The following HDAC4 variants were observed in gnomAD, a reference collection of about 807,000 sequenced individuals.
HDAC4 encodes histone deacetylase A.
HDAC4 carries 16 observed loss-of-function variants against 135.1 expected under a neutral mutation model. The ratio of observed to expected loss-of-function variants is 0.12; its 90% confidence interval spans 0.08 to 0.18. HDAC4 has a LOEUF of 0.18. Ranked by LOEUF, HDAC4 falls within the 10% of genes least tolerant of loss-of-function variation. The probability of loss-of-function intolerance (pLI) is 1.00; values close to 1 mark genes in which losing one functional copy is unlikely to be tolerated. For synonymous variants in HDAC4, 685 were observed against 653.4 expected, an observed-to-expected ratio of 1.05 and a Z score of -0.74; for missense variants, 1,143 against 1,511.8, an observed-to-expected ratio of 0.76 and a Z score of 4.05.
At chr2:239,223,193 C>T (rs981159925) in intron 3 of HDAC4, among the ~76,000 whole-genome samples, 1 of 152,132 alleles carries the variant, frequency 6.6e-6, no homozygotes, top group East Asian at 1.9e-4. Flanking sequence ...TGTGTTTCAC[C>T]TAACAGCTGG....
chr2:239,401,295 C>A (rs1194494619), upstream of HDAC4: 1 of 152,314 alleles, frequency 6.6e-6, no homozygotes, highest in Admixed American at 6.5e-5. Flanking sequence ...ACCGCGGGGC[C>A]GGATGCCCTA....
intron 22 of HDAC4, among the ~76,000 whole-genome samples, chr2:239,075,756 C>T (rs926598602): frequency 6.6e-5 from 10 of 152,380 alleles, no homozygotes; most frequent in Admixed American, 2.0e-4. Context: ...GGTCATCAGC[C>T]AACCTGCACC....
intron 1 of HDAC4, among the ~76,000 whole-genome samples, chr2:239,359,251 C>T (rs770089373): frequency 6.6e-6 from 1 of 152,054 alleles, no homozygotes; most frequent in African/African-American, 2.4e-5. Flanking sequence ...ATTCACGCTG[C>T]GTCGGTACCT....
intron 2 of HDAC4, among the ~76,000 whole-genome samples, chr2:239,279,042 G>T (rs552523854): frequency 1.3e-5 from 2 of 152,354 alleles, no homozygotes; most frequent in East Asian, 3.9e-4. Context: ...AAGTGGGGCT[G>T]GTGTGGGGCC....
intron 13 of HDAC4, 143 bp downstream of exon 13, chr2:239,114,910 G>C: frequency 1.0e-6 from 1 of 992,270 alleles, no homozygotes; most frequent in Non-Finnish European, 1.5e-6. Flanking sequence ...TCCCTCACTG[G>C]CCAGGACAAG....
intron 2 of HDAC4, among the ~76,000 whole-genome samples, chr2:239,267,463 A>C (rs1199991928): frequency 6.6e-6 from 1 of 152,238 alleles, no homozygotes; most frequent in Non-Finnish European, 1.5e-5. Flanking sequence ...GTGGACAGCA[A>C]GGACTCCCCA....
intron 2 of HDAC4, among the ~76,000 whole-genome samples, chr2:239,346,407 CAT>C (rs560257733): frequency 1.8e-4 from 28 of 151,468 alleles, no homozygotes; most frequent in East Asian, 5.8e-4. Flanking sequence ...ACTTTTAACA[CAT>C]AGTCTAGGAC....
At chr2:239,239,032 C>T (rs1406127440) in intron 2 of HDAC4, among the ~76,000 whole-genome samples, 1 of 152,194 alleles carries the variant, frequency 6.6e-6, no homozygotes. Flanking sequence ...TTAACATGTC[C>T]AATCCTGTAT....
At chr2:239,256,923 C>A (rs1465376185) in intron 2 of HDAC4, among the ~76,000 whole-genome samples, 1 of 152,154 alleles carries the variant, frequency 6.6e-6, no homozygotes, top group Non-Finnish European at 1.5e-5. Flanking sequence ...TCCACTAGAC[C>A]AAGAATCCAC....
In HDAC4 at chr2:239,111,580, C is replaced by T. The variant is rs1284412242; in HGVS notation, c.1924G>A (p.Ala642Thr). 1 of 1,612,156 alleles carries T rather than the reference C, an allele frequency of 6.2e-7. No homozygotes were observed. The highest frequency in any genetic ancestry group is 1.1e-5 in the South Asian group (1 of 90,928). ...TCCTGCACAGACACGGGGAAGGTGG[C>T]AGACGCGGGTGAGGACTGCGCCCGG... The part of the protein sequence containing the change: ...LSRAQSSPAS[A>T]TFPVSVQEPP... The change falls in exon 14 of 27, where the codon GCC becomes ACC. Residue 642 changes from alanine to threonine, a missense_variant. Physicochemically the swap from Ala to Thr is moderately conservative, Grantham distance 58. This residue lies in a region of HDAC4 where 196 missense variants were observed against 210.7 expected (regional missense o/e 0.93). Transcript: ENST00000543185.
intron 1 of HDAC4, among the ~76,000 whole-genome samples, chr2:239,395,854 G>A (rs1363022730): frequency 6.6e-6 from 1 of 152,220 alleles, no homozygotes; most frequent in African/African-American, 2.4e-5. Flanking sequence ...TCTTTCCTTA[G>A]AATAGATTTC....
intron 2 of HDAC4, among the ~76,000 whole-genome samples, chr2:239,348,367 A>G (rs1281973409): frequency 2.6e-5 from 4 of 152,230 alleles, no homozygotes; most frequent in Non-Finnish European, 5.9e-5. Context: ...AGGCACGAAC[A>G]TTCCGGAAGG....
In HDAC4 at chr2:239,245,497, C is replaced by T. The variant is rs907526252; in HGVS notation, c.23-8833G>A. On this transcript the variant is annotated intron_variant, in intron 2 of 26. Coordinates refer to ENST00000543185, the MANE Select transcript of HDAC4 (RefSeq NM_001378414.1). This position sits in a 1 kb window ranked among gnomAD's most constrained non-coding sequence, Gnocchi z 4.4. ...AGATGATATGTAGGAATCATGATTC[C>T]TTCTGCTGAGTGTGATAATGGGGTT... Among the ~76,000 whole-genome samples the T allele has an allele frequency of 6.6e-6, 1 of 152,104 alleles. No individual in the cohort carries two copies.
intron 1 of HDAC4, among the ~76,000 whole-genome samples, chr2:239,384,316 T>C (rs544776858): frequency 3.7e-4 from 56 of 152,092 alleles, no homozygotes; most frequent in African/African-American, 1.3e-3. Context: ...AAATGTTTAA[T>C]GAAAAAGAAA....
intron 2 of HDAC4, among the ~76,000 whole-genome samples, chr2:239,261,249 A>G (rs1168899325): frequency 6.6e-6 from 1 of 152,230 alleles, no homozygotes; most frequent in Non-Finnish European, 1.5e-5. Flanking sequence ...GGTACTGCCG[A>G]GGCCTAAATG....
At chr2:239,362,723 A>T in intron 1 of HDAC4, among the ~76,000 whole-genome samples, 1 of 152,206 alleles carries the variant, frequency 6.6e-6, no homozygotes, top group Non-Finnish European at 1.5e-5. Flanking sequence ...TCTCCTGGGC[A>T]ACAGAGAGCC....
intron 2 of HDAC4, among the ~76,000 whole-genome samples, chr2:239,343,571 G>T (rs950567445): frequency 6.6e-6 from 1 of 152,264 alleles, no homozygotes. Flanking sequence ...TTCAGCCTCA[G>T]GTCCTTTCTA....
chr2:239,174,286 G>C (rs1400286331), intron 5 of HDAC4, among the ~76,000 whole-genome samples: 2 of 152,140 alleles, frequency 1.3e-5, no homozygotes, highest in African/African-American at 4.8e-5. Context: ...CTGGCCAAGG[G>C]TTGATTCCAT....
intron 16 of HDAC4, among the ~76,000 whole-genome samples, chr2:239,100,206 T>C (rs1283977269): frequency 2.0e-5 from 3 of 152,228 alleles, no homozygotes; most frequent in Non-Finnish European, 4.4e-5. Context: ...CACCTCCTCC[T>C]GGCCTCTGCC....
Sources: allele counts gnomAD v4.1 joint callset (sites outside exome capture counted in the v4.1 genomes callset), GRCh38; gene constraint gnomAD v4.1.1; regional missense constraint gnomAD v4.1.1; non-coding constraint Gnocchi (gnomAD v3.1); transcripts MANE v1.5; gene names NCBI Gene and HGNC (gene_info 2026-07-23, HGNC 2026-07-21).